ITM2C: variants seen among roughly 807,000 people sequenced by gnomAD.
ITM2C encodes the protein integral membrane protein 2C.
ITM2C carries 20 observed loss-of-function variants against 30.0 expected under a neutral mutation model. The ratio of observed to expected loss-of-function variants is 0.67; its 90% CI spans 0.47 to 0.97. ITM2C has a LOEUF of 0.97. ITM2C is among the 50% of genes least tolerant of loss of function. ITM2C has a pLI of 0.00. For synonymous variants in ITM2C, 167 were observed against 156.4 expected (o/e 1.07, Z -0.51); for missense variants, 366 against 371.9 (o/e 0.98, Z 0.13).
chr2:230,873,026 C>T (rs781140596), intron 1 of ITM2C, among the ~76,000 whole-genome samples: 2 of 152,072 alleles, frequency 1.3e-5, no homozygotes, highest in Admixed American at 6.6e-5. Context: ...CTAAAGTCAC[C>T]GAGGCCAGGT....
intron 1 of ITM2C, among the ~76,000 whole-genome samples, chr2:230,870,117 C>T (rs1697127677): frequency 6.6e-6 from 1 of 152,226 alleles, no homozygotes. Flanking sequence ...CTGGGTTGAG[C>T]CCAGGCTCCC....
intron 1 of ITM2C, among the ~76,000 whole-genome samples, chr2:230,871,797 G>A (rs2125019001): frequency 6.6e-6 from 1 of 152,322 alleles, no homozygotes; most frequent in South Asian, 2.1e-4. Context: ...AGTGAAGGGG[G>A]GGTCCTCCAG....
rs1421448215 is a variant in ITM2C, at chr2:230,878,397, CGGCAGCCCAAGG to C, written c.*301_*312del. On this transcript the variant is annotated 3_prime_UTR_variant, in exon 6 of 6. Transcript: ENST00000326427. The surrounding 1 kb of genome is among the most constrained non-coding windows in gnomAD (Gnocchi z 4.5). ...CCAAAGCCTGGGCCCACAGCTGCAC[CGGCAGCCCAAGG>C]GGAAGGACCGGTTGGGGGAGCCGGG... is the stretch of plus-strand genomic sequence containing the variant. 2 of 194,056 alleles carry C rather than the reference CGGCAGCCCAAGG, an allele frequency of 1.0e-5. No homozygotes were observed. Among genetic ancestry groups the C allele is most frequent in the Non-Finnish European group, 2.1e-5 (2 of 95,272 alleles). The allele number at this position is 194,056 out of a possible 1,614,324, so 12.0% of individuals were successfully genotyped here.
chr2:230,873,126 G>C (rs1697206080), intron 1 of ITM2C: 5 of 340,932 alleles, frequency 1.5e-5, no homozygotes, highest in Non-Finnish European at 2.6e-5. Flanking sequence ...AACTCAAAAT[G>C]CACCTGCTGA....
Position 230,873,794 on chromosome 2 carries a change from C to G in ITM2C, c.261+237C>G, listed in dbSNP as rs3098336. Among the ~76,000 whole-genome samples, 46,167 of 152,194 alleles carry G rather than the reference C, an allele frequency of 0.3. 7,882 individuals carry two copies. The highest frequency in any genetic ancestry group is 0.46 in the African/African-American group (19,285 of 41,514). On this transcript the variant is annotated intron_variant, in intron 2 of 5. Coordinates refer to ENST00000326427, the MANE Select transcript of ITM2C (RefSeq NM_030926.6). ...GGGAGCCAAGCATGAATCCGGGTGA[C>G]AGCACTGGGCCCGCCCCACAGGGTC... is the stretch of plus-strand genomic sequence containing the variant.
At chr2:230,866,240 A>G (rs1417133921) in intron 1 of ITM2C, among the ~76,000 whole-genome samples, 1 of 152,042 alleles carries the variant, frequency 6.6e-6, no homozygotes, top group African/African-American at 2.4e-5. Context: ...CCCACCCCGC[A>G]TTGAGGCAGG....
chr2:230,875,770 G>A lies in ITM2C; in HGVS notation c.412G>A (p.Gly138Ser), dbSNP rs752618992. 9.5e-6 allele frequency: 15 copies of A among 1,572,374 alleles called. No individual in the cohort carries two copies. The highest frequency in any genetic ancestry group is 1.7e-4 in the Middle Eastern group (1 of 5,860). ...RINVPVPQFG[G>S]GDPADIIHDF... ...CAACGTGCCTGTGCCCCAGTTTGGC[G>A]GCGGTGACCCTGCAGACATCATCCA... The change falls in exon 3 of 6, where the codon GGC becomes AGC. Residue 138 changes from glycine (G) to serine (S), a missense_variant. By Grantham distance (56) the Gly-to-Ser change is moderately conservative. Transcript: ENST00000326427.
Position 230,864,961 on chromosome 2 carries a change from G to T in ITM2C, c.-65G>T, listed in dbSNP as rs1249079764. On this transcript the variant is annotated 5_prime_UTR_variant, in exon 1 of 6. Coordinates refer to ENST00000326427, the MANE Select transcript of ITM2C (RefSeq NM_030926.6). The surrounding 1 kb of genome is among the most constrained non-coding windows in gnomAD (Gnocchi z 4.3). ...TCCGGTGCCTGCAGAGCTCGGAGCG[G>T]CGGAGGCAGAGACCGAGGCTGCACC... 6 of 1,358,912 alleles carry T rather than the reference G, an allele frequency of 4.4e-6. No individual in the cohort carries two copies. Among genetic ancestry groups the T allele is most frequent in the Non-Finnish European group, 5.7e-6 (6 of 1,044,980 alleles). 84.2% of individuals were successfully genotyped at this position (1,358,912 alleles called of 1,614,324 possible).
rs1463277028 is a variant in ITM2C, at chr2:230,877,381, C to T, written c.562-19C>T. ...AGCCTGAGGGGCCGACTCACTGTGG[C>T]GGCCACCTTGTTTTGCAGAGGGGGA... On this transcript the variant is annotated intron_variant, in intron 4 of 5. Transcript: ENST00000326427. This position sits in a 1 kb window ranked among gnomAD's most constrained non-coding sequence, Gnocchi z 4.8. The T allele has an allele frequency of 1.9e-6, 3 of 1,611,092 alleles. No homozygotes were observed. The highest frequency in any genetic ancestry group is 1.7e-6 in the Non-Finnish European group (2 of 1,178,214).
intron 1 of ITM2C, among the ~76,000 whole-genome samples, chr2:230,868,923 G>A (rs1010383128): frequency 2.6e-5 from 4 of 152,236 alleles, no homozygotes; most frequent in African/African-American, 9.6e-5. Flanking sequence ...GGGATTTGGC[G>A]CCCCGGCAGG....
At chr2:230,876,337 T>C (rs1422673926) in intron 3 of ITM2C, among the ~76,000 whole-genome samples, 1 of 152,174 alleles carries the variant, frequency 6.6e-6, no homozygotes, top group Admixed American at 6.5e-5. Context: ...TATTTTCCTC[T>C]ATCATGTGGC....
upstream of ITM2C, chr2:230,864,770 T>A (rs979260199): frequency 1.4e-5 from 3 of 219,878 alleles, no homozygotes; most frequent in African/African-American, 7.0e-5. The surrounding 1 kb of genome is among the most constrained non-coding windows in gnomAD (Gnocchi z 4.3). Flanking sequence ...CAGAAGGAAC[T>A]CCGACCCGCC....
At chr2:230,876,765 C>T in intron 3 of ITM2C, 92 bp from the exon 4 acceptor site, 2 of 792,850 alleles carry the variant, frequency 2.5e-6, no homozygotes, top group South Asian at 1.5e-5. Context: ...CAGGCATGAG[C>T]CACCGCGCCT....
In ITM2C at chr2:230,865,691, A is replaced by G. The variant is rs1697010933; in HGVS notation, c.120+546A>G. ...AATTGGGGGCTGCGAGGGACAGAGG[A>G]TGTGCTGCTGGCCTGCACCGGAATT... is the stretch of plus-strand genomic sequence containing the variant. On this transcript the variant is annotated intron_variant, in intron 1 of 5. Transcript: ENST00000326427. The surrounding 1 kb of genome is among the most constrained non-coding windows in gnomAD (Gnocchi z 6.8). The G allele has an allele frequency of 6.6e-6, 1 of 152,456 alleles. No homozygotes were observed. Among genetic ancestry groups the G allele is most frequent in the South Asian group, 2.1e-4 (1 of 4,830 alleles). The allele number at this position is 152,456 out of a possible 1,614,324, so 9.4% of individuals were successfully genotyped here. A position where few individuals can be genotyped will look rare whatever the true frequency, so the allele number is the denominator to read the frequency against.
In ITM2C at chr2:230,877,480, G is replaced by A. The variant is rs775210717; in HGVS notation, c.642G>A (p.Leu214=). The A allele has an allele frequency of 2.4e-5, 39 of 1,614,092 alleles. No individual in the cohort carries two copies. Among genetic ancestry groups the A allele is most frequent in the Non-Finnish European group, 3.2e-5 (38 of 1,179,986 alleles). ...AGCATGTCAGTGACAAGGAGGCCCT[G>A]GGGTCCTTCATCTACCACCTGTGCA... ...VTEHVSDKEA[L]GSFIYHLCNG... is the part of the protein sequence containing the mutation. The change falls in exon 5 of 6, where the codon CTG becomes CTA. Residue 214 remains leucine (L), a synonymous_variant. Transcript: ENST00000326427. This position sits in a 1 kb window ranked among gnomAD's most constrained non-coding sequence, Gnocchi z 4.8.
At chr2:230,864,835 A>C, upstream of ITM2C, 34 of 529,498 alleles carry the variant, frequency 6.4e-5, no homozygotes, top group Non-Finnish European at 7.2e-5. This position sits in a 1 kb window ranked among gnomAD's most constrained non-coding sequence, Gnocchi z 4.3. Flanking sequence ...GCGGGCGGGA[A>C]GGGGGCGCAG....
chr2:230,876,840 A>AC lies in ITM2C; in HGVS notation c.451-13dup, dbSNP rs1175008466. The AC allele has an allele frequency of 6.3e-7, 1 of 1,579,896 alleles. No homozygotes were observed. Among genetic ancestry groups the AC allele is most frequent in the Non-Finnish European group, 8.7e-7 (1 of 1,149,576 alleles). ...GTCACCTCCTGCAGAGACTGACCCA[A>AC]CCCCTTCTCCTGCCAGGGTCTGACT... On this transcript the variant is annotated splice_polypyrimidine_tract_variant and intron_variant, in intron 3 of 5. Transcript: ENST00000326427.
Position 230,875,657 on chromosome 2 carries a change from A to G in ITM2C, c.299A>G (p.Tyr100Cys). ...RDNFFRCGVL[Y>C]EDSLSSQVRT... ...AACTTCTTCCGCTGTGGTGTGCTGTATGAGGACTCCCTGTCCTCCCAGGTC... is the reference window on the plus strand; with the variant it reads ...AACTTCTTCCGCTGTGGTGTGCTGTGTGAGGACTCCCTGTCCTCCCAGGTC... Residue 100 changes from tyrosine to cysteine, a missense_variant, in exon 3 of 6, where the codon TAT becomes TGT. By Grantham distance (194) the Tyr-to-Cys change is radical (BLOSUM62 -2). Transcript: ENST00000326427. 6.2e-7 allele frequency: 1 copy of G among 1,612,586 alleles called. No individual in the cohort carries two copies.
intron 1 of ITM2C, 47 bp from the exon 2 acceptor site, chr2:230,873,357 AAGGGGGGATTTCC>A (rs1697212685): frequency 6.9e-7 from 1 of 1,444,208 alleles, no homozygotes; most frequent in African/African-American, 1.4e-5. Flanking sequence ...TGACTTAGGG[AAGGGGGGATTTCC>A]AGGGGAGGGG....
Sources: gnomAD v4.1 joint callset for allele counts (sites outside exome capture counted in the v4.1 genomes callset) on GRCh38, gnomAD v4.1.1 for gene constraint, Gnocchi (gnomAD v3.1) non-coding constraint, MANE v1.5 for transcripts, NCBI Gene and HGNC (gene_info 2026-07-23, HGNC 2026-07-21) for gene names.